DTNA: variants seen among roughly 807,000 people sequenced by gnomAD.
DTNA encodes dystrobrevin alpha, also known as dystrophin-related protein 3.
DTNA carries 43 observed loss-of-function variants against 100.7 expected under a neutral mutation model. The ratio of observed to expected loss-of-function variants is 0.43; its 90% confidence interval spans 0.33 to 0.55. The LOEUF (loss-of-function observed/expected upper bound fraction) is 0.55. Among genes scored for constraint, DTNA ranks in the 20% least tolerant of loss-of-function variants. The pLI, the probability that DTNA is intolerant of heterozygous loss-of-function variation, is 0.04. For missense variants in DTNA, 798 were observed against 953.9 expected (o/e 0.84, Z 2.15); for synonymous variants, 349 against 347.9 (o/e 1.00, Z -0.04).
chr18:34,692,994 C>T (rs2145906559), intron 1 of DTNA, among the ~76,000 whole-genome samples: 1 of 152,182 alleles, frequency 6.6e-6, no homozygotes, highest in Admixed American at 6.5e-5. Context: ...AGTACATAAA[C>T]ACATTCTGAA....
intron 1 of DTNA, among the ~76,000 whole-genome samples, chr18:34,648,155 G>A (rs1392026374): frequency 6.6e-6 from 1 of 152,176 alleles, no homozygotes; most frequent in Admixed American, 6.5e-5. Context: ...CTGGAAAACG[G>A]CCAGAGTTAT....
intron 1 of DTNA, chr18:34,679,393 C>G (rs1417960352): frequency 6.6e-6 from 1 of 152,206 alleles, no homozygotes. Flanking sequence ...TCTGCCAATT[C>G]TGGCTTCCTG....
rs568197917 is a variant in DTNA at position 34,517,893 on chromosome 18, G to A, written c.-2+24379G>A. On this transcript the variant is annotated intron_variant, in intron 1 of 19. Coordinates refer to the DTNA transcript ENST00000283365. ...TTTTTCCAGTTTTTGAATATTATAA[G>A]TAAATATGCTATGAACATCTGTGAA... 2.0e-5 allele frequency among the ~76,000 whole-genome samples: 3 copies of A among 152,120 alleles called. No homozygotes were observed. The South Asian group carries it at 6.2e-4, about 32-fold the overall frequency.
At chr18:34,594,543 T>TACA (rs1289068075) in intron 1 of DTNA, among the ~76,000 whole-genome samples, 3 of 152,158 alleles carry the variant, frequency 2.0e-5, no homozygotes, top group Non-Finnish European at 4.4e-5. Flanking sequence ...ACTGGCCAGT[T>TACA]TTTTGTCTTG....
chr18:34,867,434 CT>C (rs2096717680), intron 17 of DTNA: 1 of 1,226,128 alleles, frequency 8.2e-7, no homozygotes, highest in Admixed American at 4.2e-5. Context: ...CACATACAGC[CT>C]GTATAATTGC....
intron 1 of DTNA, among the ~76,000 whole-genome samples, chr18:34,697,357 T>A (rs1204806925): frequency 6.6e-6 from 1 of 152,194 alleles, no homozygotes; most frequent in Non-Finnish European, 1.5e-5. Flanking sequence ...TGCTTCTTTC[T>A]TCAAAAATAC....
intron 1 of DTNA, among the ~76,000 whole-genome samples, chr18:34,750,958 A>G (rs1250141510): frequency 6.6e-6 from 1 of 152,126 alleles, no homozygotes; most frequent in Non-Finnish European, 1.5e-5. Flanking sequence ...CTTTGGATTT[A>G]TTCTTTATTT....
At chr18:34,578,740 A>G (rs1159841613) in intron 1 of DTNA, among the ~76,000 whole-genome samples, 2 of 151,548 alleles carry the variant, frequency 1.3e-5, no homozygotes, top group African/African-American at 4.9e-5. Flanking sequence ...TTCCCACTTT[A>G]TGTTTTTGTT....
At chr18:34,620,492 C>T (rs760150272) in intron 1 of DTNA, among the ~76,000 whole-genome samples, 7 of 152,132 alleles carry the variant, frequency 4.6e-5, no homozygotes, top group Non-Finnish European at 8.8e-5. Flanking sequence ...AGTTTATTCT[C>T]ACATTGCTAT....
At position 34,889,103 on chromosome 18, in the gene DTNA, T is replaced by G. The variant is rs931947399; in HGVS notation, c.*1369T>G. 1.0e-6 allele frequency: 1 copy of G among 984,586 alleles called. No homozygotes were observed. Among genetic ancestry groups the G allele is most frequent in the African/African-American group, 1.8e-5 (1 of 56,648 alleles). The allele number at this position is 984,586 out of a possible 1,614,324, so 61.0% of individuals were successfully genotyped here. The stretch of plus-strand genomic sequence containing the variant: ...GGGAATTCTGGGGAAAAAGAAAAAG[T>G]AATCTTCTACTTGCTTCAAGATTTG... On this transcript the variant is annotated 3_prime_UTR_variant, in exon 23 of 23. Coordinates refer to ENST00000444659, the MANE Select transcript of DTNA (RefSeq NM_001386795.1).
At chr18:34,682,179 C>T (rs2078227931) in intron 1 of DTNA, among the ~76,000 whole-genome samples, 1 of 152,114 alleles carries the variant, frequency 6.6e-6, no homozygotes, top group African/African-American at 2.4e-5. Flanking sequence ...GGATGTACCA[C>T]ATTTAATTTA....
At chr18:34,645,540 C>T (rs2059734629) in intron 1 of DTNA, among the ~76,000 whole-genome samples, 1 of 152,024 alleles carries the variant, frequency 6.6e-6, no homozygotes, top group Non-Finnish European at 1.5e-5. Flanking sequence ...GAAAAACCTA[C>T]AGATATGTAT....
At chr18:34,846,835 A>T (rs2096388041) in intron 13 of DTNA, among the ~76,000 whole-genome samples, 1 of 152,254 alleles carries the variant, frequency 6.6e-6, no homozygotes, top group Non-Finnish European at 1.5e-5. Context: ...AAATGTACAT[A>T]TAATAGTATG....
intron 1 of DTNA, among the ~76,000 whole-genome samples, chr18:34,516,836 G>A (rs531832272): frequency 1.3e-5 from 2 of 152,120 alleles, no homozygotes; most frequent in East Asian, 1.9e-4. Context: ...CAAACAATTT[G>A]TGCAGATAAC....
At chr18:34,865,491 A>G (rs1345754361) in intron 17 of DTNA, among the ~76,000 whole-genome samples, 1 of 152,116 alleles carries the variant, frequency 6.6e-6, no homozygotes, top group Non-Finnish European at 1.5e-5. Context: ...GGTATTGGGA[A>G]TACTTTATCT....
intron 1 of DTNA, among the ~76,000 whole-genome samples, chr18:34,551,582 G>A (rs1004243382): frequency 2.6e-5 from 4 of 152,082 alleles, no homozygotes; most frequent in African/African-American, 9.7e-5. Flanking sequence ...GGAACTCATT[G>A]CTGCATTGTT....
chr18:34,606,270 T>A (rs568399287), intron 1 of DTNA, among the ~76,000 whole-genome samples: 21 of 152,310 alleles, frequency 1.4e-4, no homozygotes, highest in African/African-American at 4.8e-4. Flanking sequence ...ATTTATATCT[T>A]GCCATTATAA....
upstream of DTNA, among the ~76,000 whole-genome samples, chr18:34,707,243 C>T (rs1014304771): frequency 1.3e-5 from 2 of 152,112 alleles, no homozygotes; most frequent in Non-Finnish European, 2.9e-5. Context: ...TTCTATGGGA[C>T]TAGGATTTGG....
intron 17 of DTNA, chr18:34,866,963 A>G: frequency 5.2e-6 from 6 of 1,158,264 alleles, no homozygotes; most frequent in Non-Finnish European, 6.3e-6. Flanking sequence ...AAGAGCCAGC[A>G]GGGGGAGCAG....
Sources: gnomAD v4.1 joint callset for allele counts (sites outside exome capture counted in the v4.1 genomes callset) on GRCh38, gnomAD v4.1.1 for gene constraint, MANE v1.5 for transcripts, NCBI Gene and HGNC (gene_info 2026-07-23, HGNC 2026-07-21) for gene names.